Variants in KLF8 observed in about 807,000 individuals in gnomAD.
KLF8 encodes the protein Krueppel-like factor 8.
KLF8 carries 10 observed loss-of-function variants against 18.2 expected under a neutral mutation model. The ratio of observed to expected loss-of-function variants is 0.55; its 90% CI spans 0.34 to 0.93. The LOEUF is 0.93. Among genes scored for constraint, KLF8 ranks in the 40% least tolerant of loss-of-function variants. The pLI, the probability that KLF8 is intolerant of heterozygous loss-of-function variation, is 0.02. For missense variants in KLF8, 264 were observed against 277.9 expected (o/e 0.95, Z 0.36); for synonymous variants, 109 against 97.3 (o/e 1.12, Z -0.71).
the KLF8 span, among the ~76,000 whole-genome samples, chrX:55,931,716 T>A: frequency 8.9e-6 from 1 of 112,270 alleles, no homozygotes; most frequent in Non-Finnish European, 1.9e-5. Context: ...TCTAATTTGA[T>A]TGCACCGTGG....
the KLF8 span, among the ~76,000 whole-genome samples, chrX:56,106,505 G>A: frequency 1.8e-5 from 2 of 111,947 alleles, no homozygotes; most frequent in African/African-American, 3.2e-5. Context: ...GATCGAATCA[G>A]CTACTGAAGC....
At chrX:56,044,031 T>C in the KLF8 span, among the ~76,000 whole-genome samples, 1 of 112,530 alleles carries the variant, frequency 8.9e-6, no homozygotes, top group Non-Finnish European at 1.9e-5. Context: ...GTTTGTAATT[T>C]TTTTTGAACA....
chrX:56,092,154 T>G, the KLF8 span, among the ~76,000 whole-genome samples: 1 of 111,075 alleles, frequency 9.0e-6, no homozygotes, highest in East Asian at 2.8e-4. Flanking sequence ...CCTTTGCCCA[T>G]TTTTAAATAG....
chrX:55,917,485 G>A, the KLF8 span, among the ~76,000 whole-genome samples: 4 of 111,379 alleles, frequency 3.6e-5, no homozygotes, highest in East Asian at 2.8e-4. Context: ...CTAAATTCTC[G>A]ACAAGGCCTA....
At chrX:56,254,410 GC>G (rs1441045970) in intron 2 of KLF8, among the ~76,000 whole-genome samples, 1 of 111,535 alleles carries the variant, frequency 9.0e-6, no homozygotes. Flanking sequence ...AGTCCGGGGG[GC>G]GGGGTGCCTG....
At chrX:56,051,429 G>A in the KLF8 span, among the ~76,000 whole-genome samples, 1 of 110,603 alleles carries the variant, frequency 9.0e-6, no homozygotes, top group Non-Finnish European at 1.9e-5. Context: ...TCCATGTTTA[G>A]TGCTTCCTTC....
chrX:55,981,764 G>A, the KLF8 span, among the ~76,000 whole-genome samples: 80 of 111,542 alleles, frequency 7.2e-4, no homozygotes, highest in African/African-American at 2.1e-3. Flanking sequence ...GGAGCACTGT[G>A]GAAATGCTGC....
the KLF8 span, among the ~76,000 whole-genome samples, chrX:56,092,485 C>T: frequency 9.0e-6 from 1 of 111,186 alleles, no homozygotes; most frequent in East Asian, 2.8e-4. Flanking sequence ...AGATAAGAGT[C>T]TAGTTTCATT....
chrX:56,127,298 C>CT, the KLF8 span, among the ~76,000 whole-genome samples: 7 of 111,372 alleles, frequency 6.3e-5, no homozygotes, highest in Non-Finnish European at 1.3e-4. Flanking sequence ...CTGTGTGTCT[C>CT]TTATGTTTTA....
the KLF8 span, among the ~76,000 whole-genome samples, chrX:56,118,204 TACTC>T: frequency 9.0e-6 from 1 of 111,604 alleles, no homozygotes; most frequent in Non-Finnish European, 1.9e-5. Flanking sequence ...ACATTTCTCA[TACTC>T]AGTTTACCTA....
chrX:56,142,960 GC>G, the KLF8 span, among the ~76,000 whole-genome samples: 2 of 111,556 alleles, frequency 1.8e-5, no homozygotes, highest in Non-Finnish European at 3.8e-5. Context: ...CTTGTCCCTG[GC>G]CTAACGTGAC....
At chrX:56,051,289 G>A in the KLF8 span, among the ~76,000 whole-genome samples, 8 of 110,010 alleles carry the variant, frequency 7.3e-5, no homozygotes, top group African/African-American at 1.3e-4. Flanking sequence ...ATATTGTTAC[G>A]TGTGAATTTG....
the KLF8 span, among the ~76,000 whole-genome samples, chrX:56,140,567 T>C: frequency 9.1e-6 from 1 of 110,472 alleles, no homozygotes; most frequent in Non-Finnish European, 1.9e-5. Flanking sequence ...AGTACACATG[T>C]ACACAAAGAG....
the KLF8 span, among the ~76,000 whole-genome samples, chrX:56,161,515 A>T: frequency 9.0e-6 from 1 of 111,590 alleles, no homozygotes; most frequent in Non-Finnish European, 1.9e-5. Context: ...CATTTCATTC[A>T]TTTGATCTTC....
At chrX:56,220,174 T>C in the KLF8 span, among the ~76,000 whole-genome samples, 1 of 112,380 alleles carries the variant, frequency 8.9e-6, no homozygotes, top group Non-Finnish European at 1.9e-5. Flanking sequence ...TGTAGAGCAA[T>C]AATAGAATAA....
Position 56,289,554 on chromosome X carries a change from G to C in KLF8, c.*5060G>C, listed in dbSNP as rs1424644656. On this transcript the variant is annotated 3_prime_UTR_variant, in exon 6 of 6. Coordinates refer to ENST00000468660, the MANE Select transcript of KLF8 (RefSeq NM_007250.5). The stretch of plus-strand genomic sequence containing the variant: ...ATGTAATCACCCAGATTTTTATTTA[G>C]CTAAACATGAGTTCATATTGATGTT... 9.0e-6 allele frequency among the ~76,000 whole-genome samples: 1 copy of C among 111,188 alleles called. No homozygotes were observed. Among genetic ancestry groups the C allele is most frequent in the Non-Finnish European group, 1.9e-5 (1 of 53,010 alleles).
chrX:56,176,481 C>G, the KLF8 span, among the ~76,000 whole-genome samples: 48 of 112,005 alleles, frequency 4.3e-4, no homozygotes, highest in African/African-American at 1.5e-3. Flanking sequence ...ATCTGTTTGT[C>G]TGATGGGCTT....
chrX:56,078,538 T>G, the KLF8 span, among the ~76,000 whole-genome samples: 54 of 111,842 alleles, frequency 4.8e-4, no homozygotes, highest in East Asian at 7.3e-3. Flanking sequence ...GCTGGATTCG[T>G]TTTGCCAGTA....
At chrX:55,985,600 C>T in the KLF8 span, among the ~76,000 whole-genome samples, 91 of 107,581 alleles carry the variant, frequency 8.5e-4, no homozygotes, top group African/African-American at 2.9e-3. Context: ...ATTCCTTTGG[C>T]TATTCAGCGT....
Sources: allele counts gnomAD v4.1 joint callset (sites outside exome capture counted in the v4.1 genomes callset), GRCh38; gene constraint gnomAD v4.1.1; transcripts MANE v1.5; gene names NCBI Gene and HGNC (gene_info 2026-07-23, HGNC 2026-07-21).